Variants in COP1 observed in about 807,000 individuals in gnomAD.
The protein encoded by COP1 is E3 ubiquitin-protein ligase COP1.
Under a neutral mutation model 101.3 loss-of-function variants are expected in COP1, and 24 were observed. The ratio of observed to expected loss-of-function variants is 0.24; its 90% CI spans 0.17 to 0.33. COP1 has a LOEUF of 0.33. Ranked by LOEUF, COP1 falls within the 10% of genes least tolerant of loss-of-function variation. The pLI, the probability that COP1 is intolerant of heterozygous loss-of-function variation, is 1.00. For synonymous variants in COP1, 347 were observed against 341.9 expected (o/e 1.01, Z -0.17); for missense variants, 663 against 906.2 (o/e 0.73, Z 3.45).
chr1:176,049,227 T>C (rs923893526), intron 11 of COP1, among the ~76,000 whole-genome samples: 2 of 150,864 alleles, frequency 1.3e-5, no homozygotes, highest in Non-Finnish European at 2.9e-5. Context: ...GACCTAAATA[T>C]GTCTATTATT....
At chr1:176,176,893 G>A (rs1697020587) in intron 2 of COP1, among the ~76,000 whole-genome samples, 2 of 152,130 alleles carry the variant, frequency 1.3e-5, no homozygotes, top group South Asian at 4.1e-4. Context: ...TACTGTTACA[G>A]AAAATGTTAA....
intron 10 of COP1, among the ~76,000 whole-genome samples, chr1:176,085,137 T>C (rs1185611002): frequency 6.6e-6 from 1 of 152,196 alleles, no homozygotes; most frequent in East Asian, 1.9e-4. Flanking sequence ...TTTCCTCTAC[T>C]TTGAACATGT....
intron 12 of COP1, among the ~76,000 whole-genome samples, chr1:176,045,389 T>C (rs1671335324): frequency 6.6e-6 from 1 of 152,080 alleles, no homozygotes; most frequent in Non-Finnish European, 1.5e-5. Flanking sequence ...AAGAAAGTTA[T>C]AACAAATAAA....
At chr1:176,188,735 ACCTCAC>A in intron 1 of COP1, among the ~76,000 whole-genome samples, 1 of 152,064 alleles carries the variant, frequency 6.6e-6, no homozygotes, top group East Asian at 1.9e-4. Context: ...TAGATGGCAA[ACCTCAC>A]TGTGTTCTTA....
chr1:176,134,426 T>C (rs988300221), intron 8 of COP1, among the ~76,000 whole-genome samples: 5 of 151,992 alleles, frequency 3.3e-5, no homozygotes, highest in African/African-American at 1.2e-4. Context: ...GCTTTACAAA[T>C]ACCTACTACT....
At chr1:176,045,887 A>G (rs574667061) in intron 12 of COP1, among the ~76,000 whole-genome samples, 1 of 151,800 alleles carries the variant, frequency 6.6e-6, no homozygotes, top group East Asian at 1.9e-4. Context: ...CTCATTCAGT[A>G]CTCCATAGAG....
chr1:176,021,304 C>T (rs766412026), intron 15 of COP1, among the ~76,000 whole-genome samples: 6 of 152,070 alleles, frequency 3.9e-5, no homozygotes, highest in Admixed American at 2.0e-4. Context: ...GAAGTAAAAG[C>T]ATTAAAAAAC....
chr1:176,048,712 C>T (rs1671936846), intron 11 of COP1, among the ~76,000 whole-genome samples: 1 of 152,180 alleles, frequency 6.6e-6, no homozygotes, highest in African/African-American at 2.4e-5. Context: ...TCTCCGCCTA[C>T]TCATATACAT....
At chr1:176,137,021 T>C (rs1000191535) in intron 6 of COP1, among the ~76,000 whole-genome samples, 2 of 152,182 alleles carry the variant, frequency 1.3e-5, no homozygotes, top group African/African-American at 4.8e-5. Context: ...GTGCTGGTAT[T>C]ACAGGCGTGA....
intron 11 of COP1, among the ~76,000 whole-genome samples, chr1:176,058,443 G>T (rs1156885081): frequency 6.6e-6 from 1 of 152,164 alleles, no homozygotes; most frequent in African/African-American, 2.4e-5. Context: ...TTATCCTGTT[G>T]ATCTGTGACC....
At chr1:176,206,448 C>T (rs1031784040) in intron 1 of COP1, 124 bp downstream of exon 1, 12 of 1,141,688 alleles carry the variant, frequency 1.1e-5, no homozygotes, top group Non-Finnish European at 1.5e-5. Context: ...TCTGCAGACA[C>T]CACCACAGCA....
intron 3 of COP1, among the ~76,000 whole-genome samples, chr1:176,171,121 T>A (rs968597908): frequency 1.3e-5 from 1 of 75,520 alleles, no homozygotes; most frequent in Admixed American, 2.0e-4. Context: ...CGAGACTCCA[T>A]CTCAAAAAAA....
At position 176,207,092 on chromosome 1, in the gene COP1, G is replaced by C. The variant is rs1210856849; in HGVS notation, c.-114C>G. ...CATCCTGAGGACGCCCGCCGAGCCG[G>C]AGGTGGGGCTGAGGAACAATAAAGT... On this transcript the variant is annotated 5_prime_UTR_variant, in exon 1 of 20. Transcript: ENST00000367669. 3.6e-6 allele frequency: 3 copies of C among 839,454 alleles called. No individual in the cohort carries two copies. In the African/African-American group the frequency reaches 5.4e-5, roughly 15 times the overall value. 52.0% of individuals were successfully genotyped at this position (839,454 alleles called of 1,614,324 possible). A position where few individuals can be genotyped will look rare whatever the true frequency, so the allele number is the denominator to read the frequency against.
chr1:176,008,657 A>G lies in COP1; in HGVS notation c.1729+18915T>C, dbSNP rs554657119. ...TATACCTTTTTTTACTGAAAAGCAG[A>G]CACTTTGGAAAATACTATGTGGCAA... On this transcript the variant is annotated intron_variant, in intron 15 of 19. Coordinates refer to ENST00000367669, the MANE Select transcript of COP1 (RefSeq NM_022457.7). Among the ~76,000 whole-genome samples, 9 of 152,196 alleles carry G rather than the reference A, an allele frequency of 5.9e-5. No individual in the cohort carries two copies. In the South Asian group the frequency reaches 1.9e-3, roughly 32 times the overall value.
chr1:176,004,066 C>T lies in COP1; in HGVS notation c.1730-14587G>A, dbSNP rs923782103. On this transcript the variant is annotated intron_variant, in intron 15 of 19. Transcript: ENST00000367669. Reference sequence around the variant, plus strand: ...TAGTTCTCCTTGAAGAGGTCCTTCACATCCCTTGTAAGTTGGATTCCTAGG... The same window carrying T: ...TAGTTCTCCTTGAAGAGGTCCTTCATATCCCTTGTAAGTTGGATTCCTAGG... 2.2e-4 allele frequency among the ~76,000 whole-genome samples: 33 copies of T among 147,060 alleles called. No homozygotes were observed. The East Asian group carries it at 2.5e-3, about 11-fold the overall frequency.
At chr1:176,028,479 C>T (rs541192937) in intron 14 of COP1, among the ~76,000 whole-genome samples, 113 of 148,610 alleles carry the variant, frequency 7.6e-4, no homozygotes, top group Non-Finnish European at 1.3e-3. Context: ...GTGGAATAAT[C>T]ACTTGAGTCC....
At position 175,987,004 on chromosome 1, in the gene COP1, C is replaced by T. The variant is rs749431618; in HGVS notation, c.2072G>A (p.Arg691Gln). Residue 691 changes from arginine to glutamine, a missense_variant, in exon 18 of 20, where the codon CGA becomes CAA. By Grantham distance (43) the Arg-to-Gln change is conservative (BLOSUM62 1). Coordinates refer to ENST00000367669, the MANE Select transcript of COP1 (RefSeq NM_022457.7). ...AAATTCATTTGTATCATCTTCTTTT[C>T]GGTCTTTGTCGAGAACACTTTTGAC... The part of the protein sequence containing the change: ...DTVKSVLDKD[R>Q]KEDDTNEFVS... 7 of 1,611,946 alleles carry T rather than the reference C, an allele frequency of 4.3e-6. No individual in the cohort carries two copies. The highest frequency in any genetic ancestry group is 4.2e-6 in the Non-Finnish European group (5 of 1,179,050).
chr1:176,189,129 C>T (rs2102105807), intron 1 of COP1, among the ~76,000 whole-genome samples: 1 of 152,208 alleles, frequency 6.6e-6, no homozygotes, highest in East Asian at 1.9e-4. Context: ...ACCTTAAAGG[C>T]AGCCCTAGAA....
intron 18 of COP1, among the ~76,000 whole-genome samples, chr1:175,949,125 T>C (rs939419991): frequency 2.2e-4 from 26 of 120,518 alleles, no homozygotes; most frequent in Admixed American, 1.6e-3. Flanking sequence ...ATTGCACCAC[T>C]GCACTCCAGC....
Sources: gnomAD v4.1 joint callset for allele counts (sites outside exome capture counted in the v4.1 genomes callset) on GRCh38, gnomAD v4.1.1 for gene constraint, MANE v1.5 for transcripts, NCBI Gene and HGNC (gene_info 2026-07-23, HGNC 2026-07-21) for gene names.